STK32B: variants seen among roughly 807,000 people sequenced by gnomAD.
The protein encoded by STK32B is serine/threonine-protein kinase 32B.
In STK32B, 43 loss-of-function variants were observed where a neutral mutation model predicts 52.6. That is an observed-to-expected ratio of 0.82 (90% confidence interval 0.64 to 1.05). The LOEUF is 1.05. Ranked by LOEUF, STK32B falls within the 50% of genes least tolerant of loss-of-function variation. The probability of loss-of-function intolerance (pLI) is 0.00; values close to 1 mark genes in which losing one functional copy is unlikely to be tolerated. For synonymous variants in STK32B, 238 were observed against 204.3 expected (o/e 1.17, Z -1.41); for missense variants, 621 against 534.6 (o/e 1.16, Z -1.59).
At chr4:5,401,764 T>C in intron 5 of STK32B, among the ~76,000 whole-genome samples, 1 of 152,190 alleles carries the variant, frequency 6.6e-6, no homozygotes, top group Non-Finnish European at 1.5e-5. Flanking sequence ...ATTGTATTGA[T>C]TTTCTATTGG....
intron 11 of STK32B, among the ~76,000 whole-genome samples, chr4:5,483,445 AT>A (rs1274004821): frequency 4.6e-5 from 7 of 151,962 alleles, no homozygotes; most frequent in African/African-American, 1.7e-4. Context: ...CCCCTTTATC[AT>A]TTTTTATTGC....
chr4:5,118,578 C>G (rs1489027351), intron 1 of STK32B, among the ~76,000 whole-genome samples: 1 of 152,222 alleles, frequency 6.6e-6, no homozygotes, highest in Non-Finnish European at 1.5e-5. Flanking sequence ...GAGTCCTGCC[C>G]TGGCCACCTG....
intron 2 of STK32B, among the ~76,000 whole-genome samples, chr4:5,167,126 CT>C (rs978806073): frequency 1.3e-5 from 2 of 152,162 alleles, no homozygotes; most frequent in African/African-American, 4.8e-5. Context: ...TCTTCCCATC[CT>C]TTAGAGCTTG....
At chr4:5,442,743 C>T (rs1477430025) in intron 6 of STK32B, among the ~76,000 whole-genome samples, 4 of 152,234 alleles carry the variant, frequency 2.6e-5, no homozygotes, top group South Asian at 2.1e-4. Context: ...TGGCTGGTAC[C>T]GGTTGTTCCT....
intron 7 of STK32B, among the ~76,000 whole-genome samples, chr4:5,449,069 C>T (rs1230999919): frequency 1.3e-5 from 2 of 152,124 alleles, no homozygotes; most frequent in Admixed American, 6.5e-5. Context: ...AGGCTAGGCA[C>T]GGTGACTCAG....
At chr4:5,221,640 T>C (rs961975138) in intron 3 of STK32B, among the ~76,000 whole-genome samples, 2 of 152,016 alleles carry the variant, frequency 1.3e-5, no homozygotes, top group Non-Finnish European at 2.9e-5. Context: ...CCCTCAAAAA[T>C]TCAGGTGTTG....
intron 3 of STK32B, chr4:5,204,259 T>G (rs1722384228): frequency 6.6e-6 from 1 of 152,210 alleles, no homozygotes; most frequent in African/African-American, 2.4e-5. Flanking sequence ...TCTCCATGAT[T>G]CATTTATTGA....
chr4:5,129,554 A>G (rs1397963164), intron 1 of STK32B, among the ~76,000 whole-genome samples: 1 of 152,220 alleles, frequency 6.6e-6, no homozygotes, highest in Non-Finnish European at 1.5e-5. Flanking sequence ...CATTTGACCT[A>G]TTCTCACCTA....
chr4:5,160,234 G>A (rs1366363719), intron 2 of STK32B, among the ~76,000 whole-genome samples: 1 of 152,152 alleles, frequency 6.6e-6, no homozygotes, highest in Non-Finnish European at 1.5e-5. Context: ...ACAATGTCCT[G>A]TGCCCTTCAG....
intron 11 of STK32B, among the ~76,000 whole-genome samples, chr4:5,488,271 C>G (rs908562255): frequency 6.6e-6 from 1 of 152,138 alleles, no homozygotes; most frequent in Non-Finnish European, 1.5e-5. Flanking sequence ...GCACTCCAGC[C>G]TGGGTGACAG....
At chr4:5,444,494 C>T (rs1337245688) in intron 6 of STK32B, among the ~76,000 whole-genome samples, 1 of 152,194 alleles carries the variant, frequency 6.6e-6, no homozygotes, top group Non-Finnish European at 1.5e-5. Flanking sequence ...GACCTGCGCC[C>T]ACTGTCTGGC....
rs146252799 is a variant in STK32B, at chr4:5,228,930, G to C, written c.260+60480G>C. Among the ~76,000 whole-genome samples, 571 of 152,244 alleles carry C rather than the reference G, an allele frequency of 3.8e-3. 6 individuals are homozygous for C. Among genetic ancestry groups the C allele is most frequent in the Non-Finnish European group, 3.7e-3 (249 of 68,014 alleles). On this transcript the variant is annotated intron_variant, in intron 3 of 11. Coordinates refer to ENST00000282908, the MANE Select transcript of STK32B (RefSeq NM_018401.3). ...TGCAGTGAGCCAAGGGCCTGCCATT[G>C]CACTCCAGCTTGGGTGACAAGTGCG... is the stretch of plus-strand genomic sequence containing the variant.
chr4:5,309,929 G>A (rs1351703645), intron 3 of STK32B, among the ~76,000 whole-genome samples: 1 of 152,134 alleles, frequency 6.6e-6, no homozygotes, highest in Admixed American at 6.5e-5. Context: ...ACTTTGGGAG[G>A]CCAAGGCAAG....
intron 3 of STK32B, among the ~76,000 whole-genome samples, chr4:5,228,247 C>T (rs574932788): frequency 6.6e-6 from 1 of 152,248 alleles, no homozygotes; most frequent in African/African-American, 2.4e-5. Flanking sequence ...TTGACTTGTC[C>T]ATTTGTAAGA....
intron 3 of STK32B, among the ~76,000 whole-genome samples, chr4:5,204,428 T>C (rs180758705): frequency 1.0e-5 from 1 of 97,710 alleles, no homozygotes; most frequent in Admixed American, 1.0e-4. Flanking sequence ...GTTTTTTAGG[T>C]TTTTTTTGTT....
rs1423433289 is a variant in STK32B, at chr4:5,394,221, G to GT, written c.435-3982dup. On this transcript the variant is annotated intron_variant, in intron 4 of 11. Coordinates refer to ENST00000282908, the MANE Select transcript of STK32B (RefSeq NM_018401.3). This position sits in a 1 kb window ranked among gnomAD's most constrained non-coding sequence, Gnocchi z 4.2. ...GGGAATAATTCAAGAGCAGCACCGGGTTTTATAGCCCTGCATGCGTACTTT... is the reference window on the plus strand; with the variant it reads ...GGGAATAATTCAAGAGCAGCACCGGGTTTTTATAGCCCTGCATGCGTACTTT... 1.3e-5 allele frequency among the ~76,000 whole-genome samples: 2 copies of GT among 152,098 alleles called. No homozygotes were observed. The highest frequency in any genetic ancestry group is 2.4e-5 in the African/African-American group (1 of 41,410).
intron 4 of STK32B, among the ~76,000 whole-genome samples, chr4:5,354,548 GACC>G (rs2108989816): frequency 6.6e-6 from 1 of 152,328 alleles, no homozygotes; most frequent in Admixed American, 6.5e-5. Context: ...TTACAGGCGT[GACC>G]ACCACGCCTG....
chr4:5,148,599 T>C (rs1459850998), intron 2 of STK32B, among the ~76,000 whole-genome samples: 1 of 151,820 alleles, frequency 6.6e-6, no homozygotes. Context: ...GAACATACTC[T>C]ACAATTTCAA....
intron 3 of STK32B, among the ~76,000 whole-genome samples, chr4:5,175,000 T>C (rs1719720433): frequency 6.6e-6 from 1 of 152,196 alleles, no homozygotes; most frequent in African/African-American, 2.4e-5. Flanking sequence ...TTTGTTAGTT[T>C]CTTTTATTCT....
Sources: allele counts gnomAD v4.1 joint callset (sites outside exome capture counted in the v4.1 genomes callset), GRCh38; gene constraint gnomAD v4.1.1; non-coding constraint Gnocchi (gnomAD v3.1); transcripts MANE v1.5; gene names NCBI Gene and HGNC (gene_info 2026-07-23, HGNC 2026-07-21).